Variants in VKORC1L1 observed in about 807,000 individuals in gnomAD.
VKORC1L1 encodes the protein vitamin K epoxide reductase complex subunit 1L1, also known as vitamin K epoxide reductase complex subunit 1-like protein 1.
VKORC1L1 carries 2 observed loss-of-function variants against 18.9 expected under a neutral mutation model. The ratio of observed to expected loss-of-function variants is 0.11; its 90% CI spans 0.04 to 0.33. VKORC1L1 has a LOEUF of 0.33. VKORC1L1 is among the 10% of genes least tolerant of loss of function. The probability of loss-of-function intolerance (pLI) is 1.00; values close to 1 mark genes in which losing one functional copy is unlikely to be tolerated. For synonymous variants in VKORC1L1, 96 were observed against 100.0 expected, an observed-to-expected ratio of 0.96 and a Z score of 0.24; for missense variants, 123 against 224.1, an observed-to-expected ratio of 0.55 and a Z score of 2.88.
intron 1 of VKORC1L1, among the ~76,000 whole-genome samples, chr7:65,908,477 C>A (rs1407065752): frequency 6.6e-6 from 1 of 151,916 alleles, no homozygotes; most frequent in Non-Finnish European, 1.5e-5. Context: ...GACACAAATT[C>A]AAAATGCAAG....
chr7:65,879,129 C>A (rs538247104), intron 1 of VKORC1L1, among the ~76,000 whole-genome samples: 1 of 152,050 alleles, frequency 6.6e-6, no homozygotes, highest in Admixed American at 6.6e-5. Flanking sequence ...GGAAGTATCA[C>A]GTATGCATCC....
chr7:65,905,003 A>G (rs1011264860), intron 1 of VKORC1L1, among the ~76,000 whole-genome samples: 5 of 152,232 alleles, frequency 3.3e-5, no homozygotes, highest in African/African-American at 9.6e-5. Context: ...ATACATACAC[A>G]TGCCTGTATG....
At chr7:65,912,804 T>A (rs1261574055) in intron 1 of VKORC1L1, among the ~76,000 whole-genome samples, 1 of 151,134 alleles carries the variant, frequency 6.6e-6, no homozygotes, top group Non-Finnish European at 1.5e-5. Flanking sequence ...GATAAAAATA[T>A]AAAATATAAA....
chr7:65,927,605 A>G (rs1186044127), intron 1 of VKORC1L1, among the ~76,000 whole-genome samples: 2 of 152,162 alleles, frequency 1.3e-5, no homozygotes, highest in African/African-American at 4.8e-5. Flanking sequence ...ACAACAAGCC[A>G]TTTATCCCCT....
intron 1 of VKORC1L1, among the ~76,000 whole-genome samples, chr7:65,943,292 T>G (rs970491228): frequency 6.6e-6 from 1 of 152,006 alleles, no homozygotes; most frequent in African/African-American, 2.4e-5. Context: ...TAAAAAGAAA[T>G]TTGTGGGTAA....
upstream of VKORC1L1, among the ~76,000 whole-genome samples, chr7:65,872,944 C>T (rs1788745389): frequency 6.6e-6 from 1 of 150,880 alleles, no homozygotes; most frequent in Middle Eastern, 3.2e-3. Context: ...GCCCGCTCGG[C>T]CCCGCCCCTC....
At chr7:65,932,805 C>T (rs1789879735) in intron 1 of VKORC1L1, among the ~76,000 whole-genome samples, 1 of 152,028 alleles carries the variant, frequency 6.6e-6, no homozygotes, top group South Asian at 2.1e-4. Context: ...TGCAGCTGGG[C>T]GCAGTGGCTC....
intron 1 of VKORC1L1, among the ~76,000 whole-genome samples, chr7:65,908,981 C>A (rs1789454203): frequency 2.0e-5 from 3 of 148,566 alleles, no homozygotes; most frequent in African/African-American, 7.4e-5. Flanking sequence ...AATATCAATA[C>A]AATACAGGCT....
intron 2 of VKORC1L1, among the ~76,000 whole-genome samples, chr7:65,952,316 A>G (rs1422074074): frequency 6.6e-6 from 1 of 152,238 alleles, no homozygotes; most frequent in Middle Eastern, 3.2e-3. Flanking sequence ...GTATGAAAGC[A>G]GTCACAGACA....
chr7:65,886,192 T>G (rs1416019942), intron 1 of VKORC1L1, among the ~76,000 whole-genome samples: 1 of 152,174 alleles, frequency 6.6e-6, no homozygotes. Flanking sequence ...AGAGACTTTA[T>G]CATGATATAT....
At chr7:65,890,011 A>G (rs376761906) in intron 1 of VKORC1L1, among the ~76,000 whole-genome samples, 7 of 152,140 alleles carry the variant, frequency 4.6e-5, no homozygotes, top group Non-Finnish European at 8.8e-5. Context: ...GGGCTGGAGT[A>G]CAATGGCATG....
chr7:65,952,202 C>T (rs191367601), intron 2 of VKORC1L1, among the ~76,000 whole-genome samples: 6 of 152,262 alleles, frequency 3.9e-5, no homozygotes, highest in African/African-American at 9.6e-5. Context: ...ACATTAATTT[C>T]GAAATGTTAG....
chr7:65,895,485 A>G (rs1474052685), intron 1 of VKORC1L1, among the ~76,000 whole-genome samples: 1 of 25,728 alleles, frequency 3.9e-5, no homozygotes, highest in Non-Finnish European at 6.3e-5. Context: ...AAAAAAATAT[A>G]TATATATATA....
upstream of VKORC1L1, among the ~76,000 whole-genome samples, chr7:65,870,749 A>G (rs113894885): frequency 3.3e-5 from 5 of 152,312 alleles, no homozygotes; most frequent in East Asian, 1.9e-4. Context: ...TAGATTTATT[A>G]AAATCATTAG....
upstream of VKORC1L1, among the ~76,000 whole-genome samples, chr7:65,873,040 C>T (rs975419001): frequency 8.2e-4 from 119 of 145,408 alleles, no homozygotes; most frequent in Admixed American, 1.8e-3. Flanking sequence ...CCCTCGCGCG[C>T]GACCGGCCGC....
chr7:65,938,249 T>C (rs1789978974), intron 1 of VKORC1L1, among the ~76,000 whole-genome samples: 3 of 152,186 alleles, frequency 2.0e-5, no homozygotes, highest in South Asian at 2.1e-4. Context: ...AGATGCTATT[T>C]ATGTAAAAGG....
At chr7:65,912,287 T>C (rs1389967607) in intron 1 of VKORC1L1, among the ~76,000 whole-genome samples, 3 of 152,236 alleles carry the variant, frequency 2.0e-5, no homozygotes. Flanking sequence ...GAGGTGTGAA[T>C]TTACAAAAGT....
In VKORC1L1 at chr7:65,886,849, T is replaced by TTTG. The variant is rs1201243622; in HGVS notation, c.194+13286_194+13287insGTT. Among the ~76,000 whole-genome samples, 196 of 133,652 alleles carry TTTG rather than the reference T, an allele frequency of 1.5e-3. 2 individuals carry two copies. Among genetic ancestry groups the TTTG allele is most frequent in the Middle Eastern group, 8.8e-3 (2 of 228 alleles). 87.7% of individuals were successfully genotyped at this position (133,652 alleles called of 152,430 possible). The stretch of plus-strand genomic sequence containing the variant: ...ACTGCGCCTGTCCGAGTTTTTTTTT[T>TTTG]TTTTTTTTTTTTTTTTCTGAGACAG... On this transcript the variant is annotated intron_variant, in intron 1 of 2. Coordinates refer to ENST00000360768, the MANE Select transcript of VKORC1L1 (RefSeq NM_173517.6).
chr7:65,901,559 C>G (rs188074543), intron 1 of VKORC1L1, among the ~76,000 whole-genome samples: 55 of 152,290 alleles, frequency 3.6e-4, no homozygotes, highest in African/African-American at 1.3e-3. Flanking sequence ...ACCTACTGAG[C>G]TCTATGGTTG....
Sources: gnomAD v4.1 joint callset for allele counts (sites outside exome capture counted in the v4.1 genomes callset) on GRCh38, gnomAD v4.1.1 for gene constraint, MANE v1.5 for transcripts, NCBI Gene and HGNC (gene_info 2026-07-23, HGNC 2026-07-21) for gene names.